The following NKAIN2 variants were observed in gnomAD, a reference collection of about 807,000 sequenced individuals.
The protein encoded by NKAIN2 is sodium/potassium transporting ATPase interacting 2, also known as sodium/potassium-transporting ATPase subunit beta-1-interacting protein 2.
In NKAIN2, 14 loss-of-function variants were observed where a neutral mutation model predicts 32.6. That is an observed-to-expected ratio of 0.43 (90% CI 0.28 to 0.67). The LOEUF (loss-of-function observed/expected upper bound fraction) is 0.67. NKAIN2 is among the 30% of genes least tolerant of loss of function. NKAIN2 has a pLI of 0.17. For missense variants in NKAIN2, 198 were observed against 258.3 expected, an observed-to-expected ratio of 0.77 and a Z score of 1.60; for synonymous variants, 80 against 87.2, an observed-to-expected ratio of 0.92 and a Z score of 0.46.
At chr6:123,887,512 G>GGTC (rs1582717716) in intron 1 of NKAIN2, among the ~76,000 whole-genome samples, 2 of 152,258 alleles carry the variant, frequency 1.3e-5, no homozygotes, top group East Asian at 3.9e-4. Context: ...ATCTAAAGCA[G>GGTC]GTCGAGCTGT....
chr6:124,028,747 G>A (rs1781241896), intron 1 of NKAIN2, among the ~76,000 whole-genome samples: 1 of 141,298 alleles, frequency 7.1e-6, no homozygotes, highest in East Asian at 2.0e-4. Context: ...GTATATATGT[G>A]TATATATACA....
At chr6:124,429,893 G>T (rs1775140089) in intron 3 of NKAIN2, among the ~76,000 whole-genome samples, 1 of 152,066 alleles carries the variant, frequency 6.6e-6, no homozygotes, top group African/African-American at 2.4e-5. Context: ...AGTGCAAGAT[G>T]CTAGAAAGAA....
intron 1 of NKAIN2, among the ~76,000 whole-genome samples, chr6:123,807,996 A>G (rs997644523): frequency 6.6e-6 from 1 of 152,190 alleles, no homozygotes; most frequent in Non-Finnish European, 1.5e-5. Context: ...TTTCAAAGGT[A>G]CATATTTTTT....
chr6:124,056,712 G>A (rs563943545), intron 1 of NKAIN2, among the ~76,000 whole-genome samples: 1 of 151,992 alleles, frequency 6.6e-6, no homozygotes, highest in Non-Finnish European at 1.5e-5. Context: ...TATGGTAAAT[G>A]AGTTTGTGTT....
chr6:124,039,742 A>T (rs917721952), intron 1 of NKAIN2, among the ~76,000 whole-genome samples: 1 of 151,884 alleles, frequency 6.6e-6, no homozygotes, highest in African/African-American at 2.4e-5. Flanking sequence ...TTTATTGTTT[A>T]TCTTAGGCTT....
intron 3 of NKAIN2, among the ~76,000 whole-genome samples, chr6:124,496,949 A>G (rs983517180): frequency 2.6e-5 from 4 of 152,106 alleles, no homozygotes; most frequent in African/African-American, 7.2e-5. Context: ...GCTAAAACCT[A>G]GTATCTGGAC....
intron 1 of NKAIN2, among the ~76,000 whole-genome samples, chr6:124,165,512 T>A (rs181894872): frequency 3.9e-5 from 6 of 152,062 alleles, no homozygotes; most frequent in African/African-American, 9.7e-5. Context: ...TGTATTTTTT[T>A]ATTTTATTTT....
chr6:124,765,273 T>C (rs1778461586), intron 4 of NKAIN2, among the ~76,000 whole-genome samples: 1 of 152,220 alleles, frequency 6.6e-6, no homozygotes, highest in African/African-American at 2.4e-5. Context: ...ATGAATAGCC[T>C]GCTGAAATTC....
intron 4 of NKAIN2, among the ~76,000 whole-genome samples, chr6:124,775,378 G>A (rs11154263): frequency 0.31 from 46,708 of 151,894 alleles, 7,724 homozygotes; most frequent in East Asian, 0.58. Context: ...ACTTCTGTTC[G>A]TATTCATTGA....
At chr6:124,190,705 C>T (rs1026686575) in intron 1 of NKAIN2, among the ~76,000 whole-genome samples, 1 of 152,068 alleles carries the variant, frequency 6.6e-6, no homozygotes, top group Non-Finnish European at 1.5e-5. Context: ...AGAAAATATC[C>T]ATCTTCTAAG....
intron 3 of NKAIN2, among the ~76,000 whole-genome samples, chr6:124,545,161 C>T (rs1780049101): frequency 6.6e-6 from 1 of 152,176 alleles, no homozygotes; most frequent in Non-Finnish European, 1.5e-5. Flanking sequence ...CACTAAGGCA[C>T]ATTTTGTGCA....
intron 3 of NKAIN2, among the ~76,000 whole-genome samples, chr6:124,622,382 C>T (rs1341729570): frequency 6.6e-6 from 1 of 152,186 alleles, no homozygotes; most frequent in Non-Finnish European, 1.5e-5. Context: ...TGCTCAAACT[C>T]CTTGTAGGAG....
intron 4 of NKAIN2, among the ~76,000 whole-genome samples, chr6:124,685,485 T>C (rs563385877): frequency 4.8e-4 from 73 of 152,300 alleles, no homozygotes; most frequent in African/African-American, 1.7e-3. Flanking sequence ...AAGAAAATCC[T>C]CCAACTTTGG....
chr6:124,634,808 C>T (rs1783709153), intron 3 of NKAIN2, among the ~76,000 whole-genome samples: 2 of 151,676 alleles, frequency 1.3e-5, no homozygotes, highest in Admixed American at 1.3e-4. Flanking sequence ...TCTCAAAAGC[C>T]AAAGAGAGAA....
At chr6:124,803,622 T>G (rs746429903) in intron 5 of NKAIN2, among the ~76,000 whole-genome samples, 12 of 152,206 alleles carry the variant, frequency 7.9e-5, no homozygotes, top group Non-Finnish European at 1.6e-4. Context: ...GCTTGTCCAA[T>G]CACAGTTAAT....
intron 3 of NKAIN2, among the ~76,000 whole-genome samples, chr6:124,605,580 A>C (rs1782467861): frequency 6.6e-6 from 1 of 152,020 alleles, no homozygotes; most frequent in African/African-American, 2.4e-5. Flanking sequence ...TTAACAGAAG[A>C]TGGAATACAT....
chr6:123,927,643 C>T (rs1490350), intron 1 of NKAIN2, among the ~76,000 whole-genome samples: 3 of 151,960 alleles, frequency 2.0e-5, no homozygotes, highest in Non-Finnish European at 4.4e-5. Context: ...CTCTAGTGAC[C>T]GTCCCAAACA....
intron 1 of NKAIN2, among the ~76,000 whole-genome samples, chr6:124,003,945 A>T (rs980882523): frequency 1.3e-5 from 2 of 152,218 alleles, no homozygotes; most frequent in African/African-American, 2.4e-5. Flanking sequence ...CTAGACTAGA[A>T]ATTGACATAG....
chr6:124,665,880 C>CTATACTGT (rs1772770973), intron 4 of NKAIN2, among the ~76,000 whole-genome samples: 1 of 152,106 alleles, frequency 6.6e-6, no homozygotes, highest in African/African-American at 2.4e-5. Flanking sequence ...CTATACTGTG[C>CTATACTGT]GTACCGTACT....
Sources: allele counts gnomAD v4.1 joint callset (sites outside exome capture counted in the v4.1 genomes callset), GRCh38; gene constraint gnomAD v4.1.1; transcripts MANE v1.5; gene names NCBI Gene and HGNC (gene_info 2026-07-23, HGNC 2026-07-21).